Variants in DLC1 observed in about 807,000 individuals in gnomAD.
DLC1 encodes rho GTPase-activating protein 7.
In DLC1, 54 loss-of-function variants were observed where a neutral mutation model predicts 140.3. The ratio of observed to expected loss-of-function variants is 0.38; its 90% CI spans 0.31 to 0.48. The LOEUF is 0.48. Among genes scored for constraint, DLC1 ranks in the 20% least tolerant of loss-of-function variants. The pLI, the probability that DLC1 is intolerant of heterozygous loss-of-function variation, is 0.96. For missense variants in DLC1, 2,536 were observed against 1,907.0 expected (o/e 1.33, Z -6.14); for synonymous variants, 986 against 728.1 (o/e 1.35, Z -5.70).
intron 1 of DLC1, among the ~76,000 whole-genome samples, chr8:13,591,778 G>C (rs1805523981): frequency 6.6e-6 from 1 of 152,060 alleles, no homozygotes; most frequent in South Asian, 2.1e-4. Flanking sequence ...AAATTTGAGA[G>C]AAAGTGGATC....
chr8:13,232,985 TA>T (rs2117206921), intron 5 of DLC1, among the ~76,000 whole-genome samples: 1 of 152,304 alleles, frequency 6.6e-6, no homozygotes, highest in South Asian at 2.1e-4. Flanking sequence ...AAGGAATCAT[TA>T]AAAATGTTGC....
chr8:13,095,197 G>T lies in DLC1; in HGVS notation c.3216C>A (p.Asp1072Glu). 2 of 1,614,202 alleles carry T rather than the reference G, an allele frequency of 1.2e-6. No homozygotes were observed. Among genetic ancestry groups the T allele is most frequent in the Non-Finnish European group, 1.7e-6 (2 of 1,180,052 alleles). Residue 1072 changes from aspartate (D) to glutamate (E), a missense_variant, in exon 11 of 18, where the codon GAC (aspartate) becomes GAA (glutamate). Asp to Glu is a conservative substitution (Grantham distance 45). Transcript: ENST00000276297. ...MKRIKVPDYKDRSVFGVPLTV... is the reference protein window; with the variant it reads ...MKRIKVPDYKERSVFGVPLTV... ...TCAGTGGGACCCCAAACACACTCCG[G>T]TCCTTGTAGTCTGGAACCTTGATCC...
At chr8:13,548,034 C>G (rs1374287259) in intron 1 of DLC1, among the ~76,000 whole-genome samples, 1 of 152,040 alleles carries the variant, frequency 6.6e-6, no homozygotes, top group African/African-American at 2.4e-5. Context: ...TTGTAATTAT[C>G]TCTGTATCTA....
In DLC1 at chr8:13,273,107, A is replaced by C. The variant is rs572058490; in HGVS notation, c.1348+32162T>G. On this transcript the variant is annotated intron_variant, in intron 5 of 17. Coordinates refer to ENST00000276297, the MANE Select transcript of DLC1 (RefSeq NM_182643.3). ...TTCTGAGAAGTGATCCATAGGTTTC[A>C]CAGGAATGATAAAGAGATCCGTGGG... Among the ~76,000 whole-genome samples, 67 of 152,336 alleles carry C rather than the reference A, an allele frequency of 4.4e-4. No homozygotes were observed. The South Asian group carries it at 0.013, about 31-fold the overall frequency.
At chr8:13,428,575 C>T (rs4831429) in intron 2 of DLC1, among the ~76,000 whole-genome samples, 74,483 of 151,926 alleles carry the variant, frequency 0.49, 18,784 homozygotes, top group African/African-American at 0.6. Context: ...TTGTTTTTAT[C>T]TCACAGAACA....
Position 13,567,757 on chromosome 8 carries a change from G to A in DLC1, c.-126+36780C>T, listed in dbSNP as rs1163591057. On this transcript the variant is annotated intron_variant, in intron 1 of 1. Coordinates refer to the DLC1 transcript ENST00000631382. ...ACATCAAGACTTTCCCAGGCTTTCA[G>A]ATGACCCCAGAATAATCTGGAAAAG... is the stretch of plus-strand genomic sequence containing the variant. 1.9e-6 allele frequency: 3 copies of A among 1,552,012 alleles called. No homozygotes were observed. In the South Asian group the frequency reaches 3.6e-5, roughly 18 times the overall value.
At chr8:13,098,212 A>G (rs1012627838) in intron 10 of DLC1, among the ~76,000 whole-genome samples, 187 bp downstream of exon 10, 1 of 152,086 alleles carries the variant, frequency 6.6e-6, no homozygotes, top group African/African-American at 2.4e-5. Context: ...CCTACGTAAC[A>G]GAGCAAGACC....
intron 1 of DLC1, among the ~76,000 whole-genome samples, chr8:13,590,077 A>ATATATATATATATATATATATATCTC (rs11272767): frequency 0.027 from 3,880 of 144,252 alleles, 98 homozygotes; most frequent in South Asian, 0.037. Context: ...ATATATATAT[A>ATATATATATATATATATATATATCTC]CAAACACATG....
chr8:13,407,381 T>C (rs950947061), intron 2 of DLC1, among the ~76,000 whole-genome samples: 8 of 152,136 alleles, frequency 5.3e-5, no homozygotes, highest in African/African-American at 1.9e-4. Flanking sequence ...ACACCCCTCT[T>C]TCTACAAATG....
At chr8:13,374,233 C>T (rs17803958) in intron 4 of DLC1, among the ~76,000 whole-genome samples, 7,452 of 152,218 alleles carry the variant, frequency 0.049, 249 homozygotes, top group Middle Eastern at 0.082. Context: ...CAGTGGAGCT[C>T]TCCAAATCCA....
intron 5 of DLC1, among the ~76,000 whole-genome samples, chr8:13,138,085 T>C (rs996112364): frequency 1.2e-4 from 19 of 152,316 alleles, no homozygotes; most frequent in African/African-American, 4.6e-4. Flanking sequence ...TATTAGTTAT[T>C]ATTGATACTG....
rs778977463 is a variant in DLC1, at chr8:13,098,583, A to G, written c.2991-8T>C. On this transcript the variant is annotated splice_region_variant and splice_polypyrimidine_tract_variant and intron_variant, in intron 9 of 17. Transcript: ENST00000276297. ...TGCCATCTCAGTCGGTGCCTGCGAG[A>G]GAAGAGGAGAGGAAAATGAGTGTGA... 47 of 1,610,744 alleles carry G rather than the reference A, an allele frequency of 2.9e-5. No individual in the cohort carries two copies. The highest frequency in any genetic ancestry group is 4.0e-5 in the Non-Finnish European group (47 of 1,178,666).
intron 5 of DLC1, among the ~76,000 whole-genome samples, chr8:13,173,506 G>C (rs1825601359): frequency 1.3e-5 from 2 of 151,904 alleles, no homozygotes; most frequent in South Asian, 4.1e-4. Context: ...CGAGTAGCTG[G>C]GATTACAGGC....
intron 5 of DLC1, among the ~76,000 whole-genome samples, chr8:13,244,653 A>G (rs1563193947): frequency 6.6e-6 from 1 of 152,044 alleles, no homozygotes; most frequent in Non-Finnish European, 1.5e-5. Context: ...AATTGCACAC[A>G]CCAAGAGATT....
At chr8:13,216,500 C>G (rs1424121179) in intron 5 of DLC1, among the ~76,000 whole-genome samples, 1 of 152,178 alleles carries the variant, frequency 6.6e-6, no homozygotes, top group East Asian at 1.9e-4. Flanking sequence ...TCCTCCCCAA[C>G]TGGCAGCACT....
At chr8:13,537,220 A>G (rs967714785) in intron 1 of DLC1, among the ~76,000 whole-genome samples, 7 of 152,192 alleles carry the variant, frequency 4.6e-5, no homozygotes, top group African/African-American at 1.7e-4. Flanking sequence ...ATCAAAGAAG[A>G]TAAAATCTCT....
chr8:13,234,470 A>G (rs758373293), intron 5 of DLC1, among the ~76,000 whole-genome samples: 3 of 152,066 alleles, frequency 2.0e-5, no homozygotes, highest in Non-Finnish European at 4.4e-5. Flanking sequence ...ATCAGCCTTA[A>G]TTTGTCTTCT....
At position 13,207,899 on chromosome 8, in the gene DLC1, C is replaced by G. The variant is rs62494902; in HGVS notation, c.1349-92242G>C. Among the ~76,000 whole-genome samples the G allele has an allele frequency of 5.8e-3, 889 of 152,258 alleles. 9 individuals are homozygous for G. Among genetic ancestry groups the G allele is most frequent in the South Asian group, 0.019 (92 of 4,830 alleles). On this transcript the variant is annotated intron_variant, in intron 5 of 17. Coordinates refer to ENST00000276297, the MANE Select transcript of DLC1 (RefSeq NM_182643.3). ...GTGATTATGATATACATAGTGTGTA[C>G]TTGACAGTATTATGTATACCCATTT...
intron 5 of DLC1, among the ~76,000 whole-genome samples, chr8:13,137,391 T>C (rs889025817): frequency 1.3e-5 from 2 of 152,192 alleles, no homozygotes; most frequent in Non-Finnish European, 1.5e-5. Flanking sequence ...CTGTTCAATG[T>C]AGCCTGTTTC....
Sources: allele counts gnomAD v4.1 joint callset (sites outside exome capture counted in the v4.1 genomes callset), GRCh38; gene constraint gnomAD v4.1.1; transcripts MANE v1.5; gene names NCBI Gene and HGNC (gene_info 2026-07-23, HGNC 2026-07-21).